The following HAUS8 variants were observed in gnomAD, a reference collection of about 807,000 sequenced individuals.
The protein encoded by HAUS8 is HAUS augmin like complex subunit 8.
In HAUS8, 38 loss-of-function variants were observed where a neutral mutation model predicts 42.9. That is an observed-to-expected ratio of 0.89 (90% CI 0.68 to 1.16). HAUS8 has a LOEUF of 1.16. Among genes scored for constraint, HAUS8 ranks in the 50% most tolerant of loss-of-function variants. The pLI is 0.00. For synonymous variants in HAUS8, 199 were observed against 205.8 expected (o/e 0.97, Z 0.28); for missense variants, 494 against 511.6 (o/e 0.97, Z 0.33).
At chr19:17,063,226 G>T (rs2057370968) in intron 3 of HAUS8, among the ~76,000 whole-genome samples, 1 of 152,220 alleles carries the variant, frequency 6.6e-6, no homozygotes, top group South Asian at 2.1e-4. Context: ...GCCAGGTGCA[G>T]TGGCTCCCGC....
chr19:17,075,374 C>A lies in HAUS8; in HGVS notation c.29+20G>T. On this transcript the variant is annotated intron_variant, in intron 1 of 10. Transcript: ENST00000253669. ...CCCTATGGCGTCTACAAATCCAGAC[C>A]TGCGGAAGCCCCAACTCACCCAGCG... 6.2e-7 allele frequency: 1 copy of A among 1,613,842 alleles called. No individual in the cohort carries two copies. Among genetic ancestry groups the A allele is most frequent in the Non-Finnish European group, 8.5e-7 (1 of 1,179,776 alleles).
chr19:17,060,270 A>G (rs1428040603), intron 4 of HAUS8, 178 bp from the exon 5 acceptor site: 2 of 550,036 alleles, frequency 3.6e-6, no homozygotes, highest in African/African-American at 3.8e-5. Flanking sequence ...CCCAGCCATC[A>G]CCTTGACTCT....
Position 17,075,268 on chromosome 19 carries a change from C to T in HAUS8, c.29+126G>A, listed in dbSNP as rs766469034. ...AGCACGCCATCGGGGTCTTCAGGGG[C>T]CCGCGCAGTTCCTGGCGGGGTCGAA... On this transcript the variant is annotated intron_variant, in intron 1 of 10. Transcript: ENST00000253669. 67 of 1,043,904 alleles carry T rather than the reference C, an allele frequency of 6.4e-5. No individual in the cohort carries two copies. In the Middle Eastern group the frequency reaches 1.0e-3, roughly 16 times the overall value. 64.7% of individuals were successfully genotyped at this position (1,043,904 alleles called of 1,614,324 possible).
At chr19:17,064,035 A>G (rs1329688210) in intron 3 of HAUS8, among the ~76,000 whole-genome samples, 1 of 152,196 alleles carries the variant, frequency 6.6e-6, no homozygotes, top group East Asian at 1.9e-4. Flanking sequence ...GAGAACTCTA[A>G]TACAGCAGGG....
Position 17,055,974 on chromosome 19 carries a change from A to G in HAUS8, c.674T>C (p.Val225Ala). 1 of 1,614,168 alleles carries G rather than the reference A, an allele frequency of 6.2e-7. No homozygotes were observed. The highest frequency in any genetic ancestry group is 1.1e-5 in the South Asian group (1 of 91,088). ...GTATTGCTCCTTGAAGCGTGTGGCC[A>G]CTGCCTCGAAGGGGCTGAGCATCTC... The part of the protein sequence containing the change: ...QIEMLSPFEA[V>A]ATRFKEQYRT... Residue 225 changes from valine to alanine, a missense_variant, in exon 9 of 11, where the codon GTG becomes GCG. Transcript: ENST00000253669.
intron 2 of HAUS8, among the ~76,000 whole-genome samples, chr19:17,069,305 T>C (rs1199844962): frequency 6.6e-6 from 1 of 152,048 alleles, no homozygotes; most frequent in African/African-American, 2.4e-5. Flanking sequence ...AAGCCATGTG[T>C]GGAGTCACAG....
At chr19:17,070,182 C>G (rs2057412983) in intron 2 of HAUS8, among the ~76,000 whole-genome samples, 1 of 151,904 alleles carries the variant, frequency 6.6e-6, no homozygotes, top group Non-Finnish European at 1.5e-5. Context: ...CCCTTGAATC[C>G]CGCCCCCCAC....
chr19:17,054,803 AAAAT>A (rs1425227344), intron 9 of HAUS8, among the ~76,000 whole-genome samples: 3 of 151,836 alleles, frequency 2.0e-5, no homozygotes, highest in Non-Finnish European at 4.4e-5. Context: ...CTCCGTTTCA[AAAAT>A]AAATTAGCCA....
intron 4 of HAUS8, chr19:17,060,379 G>A (rs960488546): frequency 3.1e-6 from 1 of 324,898 alleles, no homozygotes; most frequent in Non-Finnish European, 5.7e-6. Context: ...GGTGGGATAC[G>A]ATGCCATATT....
intron 2 of HAUS8, among the ~76,000 whole-genome samples, chr19:17,069,438 C>T (rs1390961373): frequency 6.6e-6 from 1 of 151,046 alleles, no homozygotes; most frequent in African/African-American, 2.4e-5. Flanking sequence ...TTCCTCCTTC[C>T]TCCCATCTCG....
chr19:17,069,152 C>G, intron 2 of HAUS8, 66 bp from the exon 3 acceptor site: 1 of 1,456,502 alleles, frequency 6.9e-7, no homozygotes, highest in Non-Finnish European at 9.5e-7. Flanking sequence ...ACACCCAGAC[C>G]CCACGCCCCG....
rs766949658 is a variant in HAUS8, at chr19:17,055,940, G to A, written c.708C>T (p.Phe236=). ...GCCTGGTAGTGTCCAGGGCCGTGGC[G>A]AATGTCCTGTATTGCTCCTTGAAGC... The part of the protein sequence containing the change: ...ATRFKEQYRT[F]ATALDTTRHE... Residue 236 remains phenylalanine, a synonymous_variant, in exon 9 of 11, where the codon TTC becomes TTT. Coordinates refer to ENST00000253669, the MANE Select transcript of HAUS8 (RefSeq NM_033417.2). 60 of 1,614,150 alleles carry A rather than the reference G, an allele frequency of 3.7e-5. No individual in the cohort carries two copies. The highest frequency in any genetic ancestry group is 1.7e-4 in the Middle Eastern group (1 of 6,058).
At chr19:17,075,481 C>G (rs908787255), upstream of HAUS8, 13 of 1,599,032 alleles carry the variant, frequency 8.1e-6, no homozygotes, top group Non-Finnish European at 1.1e-5. Flanking sequence ...GACCCGCCCC[C>G]TTGCTTGCGG....
chr19:17,055,851 C>A lies in HAUS8; in HGVS notation c.787+10G>T. The stretch of plus-strand genomic sequence containing the variant: ...CTGCTGCACACGCACTGGGACGCCC[C>A]GTTTCCTACCTAAGAGCTGCTGCCC... On this transcript the variant is annotated intron_variant, in intron 9 of 10. Coordinates refer to ENST00000253669, the MANE Select transcript of HAUS8 (RefSeq NM_033417.2). 1 of 1,611,878 alleles carries A rather than the reference C, an allele frequency of 6.2e-7. No homozygotes were observed. The highest frequency in any genetic ancestry group is 8.5e-7 in the Non-Finnish European group (1 of 1,179,144).
Position 17,052,846 on chromosome 19 carries a change from T to G in HAUS8, c.908A>C (p.Lys303Thr). The change falls in exon 10 of 11, where the codon AAA becomes ACA. Residue 303 changes from lysine to threonine, a missense_variant. By Grantham distance (78) the Lys-to-Thr change is moderately conservative. Transcript: ENST00000253669. ...LLSELKDVTA[K>T]KDLELRRSFA... ...GTACCTTCGGAGCTCAAGGTCCTTT[T>G]TCGCCGTCACGTCCTTGAGTTCGCT... 1 of 1,614,196 alleles carries G rather than the reference T, an allele frequency of 6.2e-7. No homozygotes were observed. Among genetic ancestry groups the G allele is most frequent in the East Asian group, 2.2e-5 (1 of 44,882 alleles).
At chr19:17,055,619 C>T (rs973541620) in intron 9 of HAUS8, among the ~76,000 whole-genome samples, 2 of 152,086 alleles carry the variant, frequency 1.3e-5, no homozygotes, top group African/African-American at 4.8e-5. Context: ...AGGTCGTCCC[C>T]GCAAAATGCC....
At chr19:17,071,417 C>A in intron 2 of HAUS8, among the ~76,000 whole-genome samples, 1 of 152,098 alleles carries the variant, frequency 6.6e-6, no homozygotes, top group Non-Finnish European at 1.5e-5. Context: ...TGTGGACAAT[C>A]GGAAGGCCAC....
intron 2 of HAUS8, among the ~76,000 whole-genome samples, chr19:17,069,448 G>C (rs1040536117): frequency 1.3e-5 from 2 of 150,714 alleles, no homozygotes; most frequent in Admixed American, 1.3e-4. Context: ...CTCCCATCTC[G>C]TGTGACCCCA....
chr19:17,052,748 C>T, intron 10 of HAUS8, 77 bp downstream of exon 10: 2 of 1,523,150 alleles, frequency 1.3e-6, no homozygotes, highest in South Asian at 1.2e-5. Flanking sequence ...GAACTCGGCA[C>T]CACCCCAACA....
Sources: allele counts gnomAD v4.1 joint callset (sites outside exome capture counted in the v4.1 genomes callset), GRCh38; gene constraint gnomAD v4.1.1; transcripts MANE v1.5; gene names NCBI Gene and HGNC (gene_info 2026-07-23, HGNC 2026-07-21).